DIS3L2: variants seen among roughly 807,000 people sequenced by gnomAD.
DIS3L2 encodes DIS3-like exonuclease 2.
DIS3L2 carries 34 observed loss-of-function variants against 97.5 expected under a neutral mutation model. The observed-to-expected ratio is 0.35, with a 90% confidence interval of 0.27 to 0.46. DIS3L2 has a LOEUF of 0.46. DIS3L2 is among the 20% of genes least tolerant of loss of function. The pLI is 1.00. For synonymous variants in DIS3L2, 435 were observed against 445.2 expected, an observed-to-expected ratio of 0.98 and a Z score of 0.29; for missense variants, 1,038 against 1,146.0, an observed-to-expected ratio of 0.91 and a Z score of 1.36.
chr2:232,323,891 C>A (rs1219707655), intron 14 of DIS3L2, among the ~76,000 whole-genome samples: 5 of 152,092 alleles, frequency 3.3e-5, no homozygotes, highest in Non-Finnish European at 7.4e-5. Context: ...CTGCGGCTCC[C>A]TTTCTCCAGG....
At chr2:232,255,520 G>A (rs1211864465) in intron 12 of DIS3L2, among the ~76,000 whole-genome samples, 1 of 152,094 alleles carries the variant, frequency 6.6e-6, no homozygotes, top group East Asian at 1.9e-4. Flanking sequence ...AGAAAATCTT[G>A]GACATGTATG....
intron 14 of DIS3L2, among the ~76,000 whole-genome samples, chr2:232,302,120 A>C (rs1364648525): frequency 6.6e-6 from 1 of 151,128 alleles, no homozygotes; most frequent in Non-Finnish European, 1.5e-5. Flanking sequence ...AGGAAATCAG[A>C]TAGGAGCCAT....
chr2:232,131,976 C>CGGGGGGGG (rs1698232277), intron 7 of DIS3L2: 2 of 66,562 alleles, frequency 3.0e-5, no homozygotes, highest in Non-Finnish European at 2.9e-5. Context: ...AAAGAGTCGT[C>CGGGGGGGG]GGTGGGCGGG....
intron 10 of DIS3L2, among the ~76,000 whole-genome samples, chr2:232,237,640 A>G (rs769892646): frequency 1.5e-5 from 2 of 132,812 alleles, no homozygotes; most frequent in Non-Finnish European, 3.1e-5. Flanking sequence ...AAGCCTCAAC[A>G]GGTGTGGAGT....
intron 5 of DIS3L2, among the ~76,000 whole-genome samples, chr2:232,070,266 C>CAAAGA (rs920476361): frequency 1.3e-5 from 2 of 152,122 alleles, no homozygotes; most frequent in African/African-American, 4.8e-5. Context: ...GATTCCGTCT[C>CAAAGA]AAAGAAAAGA....
At chr2:232,207,853 T>G in intron 9 of DIS3L2, among the ~76,000 whole-genome samples, 1 of 152,270 alleles carries the variant, frequency 6.6e-6, no homozygotes, top group Middle Eastern at 3.4e-3. Context: ...CAAACAATAA[T>G]ACATATCTGA....
intron 5 of DIS3L2, among the ~76,000 whole-genome samples, chr2:232,051,093 G>A (rs1466949481): frequency 6.6e-6 from 1 of 152,138 alleles, no homozygotes; most frequent in African/African-American, 2.4e-5. Flanking sequence ...TAAGGGCAGG[G>A]GTTTTGTCTT....
rs150308469 is a variant in DIS3L2, at chr2:231,966,855, T to C, written c.-94+5090T>C. On this transcript the variant is annotated intron_variant, in intron 1 of 20. Coordinates refer to ENST00000325385, the MANE Select transcript of DIS3L2 (RefSeq NM_152383.5). ...GGTAGAATGGCAGAAGATGCTCCTTTTTGTCATGTAACATGAAGTAGAAGG... is the reference window on the plus strand; with the variant it reads ...GGTAGAATGGCAGAAGATGCTCCTTCTTGTCATGTAACATGAAGTAGAAGG... Among the ~76,000 whole-genome samples, 722 of 152,014 alleles carry C rather than the reference T, an allele frequency of 4.7e-3. 2 individuals are homozygous for C. The highest frequency in any genetic ancestry group is 8.3e-3 in the Non-Finnish European group (562 of 67,954).
chr2:232,039,689 T>C (rs918868667), intron 5 of DIS3L2, among the ~76,000 whole-genome samples: 1 of 152,186 alleles, frequency 6.6e-6, no homozygotes, highest in African/African-American at 2.4e-5. Context: ...TAATGAAAGA[T>C]AGTTGAGGGG....
intron 5 of DIS3L2, among the ~76,000 whole-genome samples, chr2:232,054,084 A>T (rs766612769): frequency 2.0e-4 from 30 of 152,194 alleles, no homozygotes; most frequent in Admixed American, 3.9e-4. Context: ...CCCCATCACT[A>T]AGAAAATTCC....
intron 5 of DIS3L2, among the ~76,000 whole-genome samples, chr2:232,084,001 G>T (rs1200820451): frequency 6.6e-6 from 1 of 152,156 alleles, no homozygotes; most frequent in Non-Finnish European, 1.5e-5. Flanking sequence ...AGGCTGCTCT[G>T]ACAGTACCCA....
intron 13 of DIS3L2, among the ~76,000 whole-genome samples, chr2:232,270,868 CT>C (rs1693977173): frequency 4.7e-5 from 2 of 42,774 alleles, no homozygotes; most frequent in Non-Finnish European, 1.1e-4. Flanking sequence ...TCGTCTCTCT[CT>C]CTCTCTCTCT....
At chr2:232,298,755 A>C (rs893924165) in intron 13 of DIS3L2, among the ~76,000 whole-genome samples, 5 of 152,210 alleles carry the variant, frequency 3.3e-5, no homozygotes, top group African/African-American at 7.2e-5. Context: ...CTAGTGCTTT[A>C]AAAACCCAGT....
chr2:232,064,060 A>G (rs1020277654), intron 5 of DIS3L2, among the ~76,000 whole-genome samples: 2 of 152,072 alleles, frequency 1.3e-5, no homozygotes, highest in African/African-American at 4.8e-5. Flanking sequence ...TTTGGTTCAT[A>G]TAGTCTTTTT....
chr2:232,001,523 CAG>C (rs1276832705), intron 1 of DIS3L2, among the ~76,000 whole-genome samples: 1 of 138,070 alleles, frequency 7.2e-6, no homozygotes, highest in Non-Finnish European at 1.5e-5. Context: ...TTTTGCTTAA[CAG>C]AGTCTTCTTA....
chr2:232,229,110 T>C (rs976808748), intron 10 of DIS3L2, among the ~76,000 whole-genome samples: 2 of 152,220 alleles, frequency 1.3e-5, no homozygotes, highest in Non-Finnish European at 2.9e-5. Flanking sequence ...TTTTAAAACT[T>C]TGAGCTAGTT....
chr2:232,257,503 C>T (rs1354551388), intron 12 of DIS3L2, among the ~76,000 whole-genome samples: 1 of 152,176 alleles, frequency 6.6e-6, no homozygotes, highest in East Asian at 1.9e-4. Flanking sequence ...ACTCCACCTC[C>T]CTCCCACCCT....
downstream of DIS3L2, among the ~76,000 whole-genome samples, chr2:232,337,400 C>T (rs1695994762): frequency 6.6e-6 from 1 of 152,148 alleles, no homozygotes; most frequent in Admixed American, 6.5e-5. Flanking sequence ...GCCCCGGCAG[C>T]ACCAAGGGAG....
intron 8 of DIS3L2, among the ~76,000 whole-genome samples, chr2:232,138,739 C>A (rs138472251): frequency 1.3e-5 from 2 of 151,954 alleles, no homozygotes; most frequent in African/African-American, 4.8e-5. Context: ...GCTGTGGGTG[C>A]GAAAGTGTTA....
Sources: gnomAD v4.1 joint callset for allele counts (sites outside exome capture counted in the v4.1 genomes callset) on GRCh38, gnomAD v4.1.1 for gene constraint, MANE v1.5 for transcripts, NCBI Gene and HGNC (gene_info 2026-07-23, HGNC 2026-07-21) for gene names.